Variants in MYO5B observed in about 807,000 individuals in gnomAD.
MYO5B encodes the protein myosin VB.
In MYO5B, 143 loss-of-function variants were observed where a neutral mutation model predicts 229.3. The ratio of observed to expected loss-of-function variants is 0.62; its 90% CI spans 0.54 to 0.72. MYO5B has a LOEUF of 0.72. MYO5B is among the 30% of genes least tolerant of loss of function. The probability of loss-of-function intolerance (pLI) is 0.00; values close to 1 mark genes in which losing one functional copy is unlikely to be tolerated. For synonymous variants in MYO5B, 918 were observed against 885.2 expected, an observed-to-expected ratio of 1.04 and a Z score of -0.66; for missense variants, 2,321 against 2,331.0, an observed-to-expected ratio of 1.00 and a Z score of 0.09.
At chr18:49,878,068 G>A (rs189850265) in intron 24 of MYO5B, among the ~76,000 whole-genome samples, 186 bp from the exon 25 acceptor site, 77 of 152,238 alleles carry the variant, frequency 5.1e-4, no homozygotes, top group Admixed American at 1.6e-3. Context: ...AGTTCTTACT[G>A]TAGTCATCCA....
chr18:50,054,760 GC>G (rs2030499232), intron 2 of MYO5B, among the ~76,000 whole-genome samples: 1 of 152,156 alleles, frequency 6.6e-6, no homozygotes, highest in Admixed American at 6.5e-5. Context: ...TTAAGTACTT[GC>G]CACATATTAA....
Position 49,926,226 on chromosome 18 carries a change from A to G in MYO5B, c.2090+3286T>C, listed in dbSNP as rs183024415. 2.5e-3 allele frequency among the ~76,000 whole-genome samples: 385 copies of G among 152,338 alleles called. 4 individuals carry two copies. The highest frequency in any genetic ancestry group is 7.7e-3 in the African/African-American group (322 of 41,576). ...ATTACTGACAGCTCTTGTACTTTCC[A>G]GGTCAAATGTAAATTCCTAATTCCA... On this transcript the variant is annotated intron_variant, in intron 17 of 39. Coordinates refer to ENST00000285039, the MANE Select transcript of MYO5B (RefSeq NM_001080467.3).
At chr18:49,988,731 T>C (rs1408703475) in intron 7 of MYO5B, among the ~76,000 whole-genome samples, 1 of 152,146 alleles carries the variant, frequency 6.6e-6, no homozygotes, top group African/African-American at 2.4e-5. Flanking sequence ...AAGAGGAGGA[T>C]GGCAGTGGCC....
Position 49,841,443 on chromosome 18 carries a change from A to G in MYO5B, c.4623T>C (p.Asp1541=). 1.9e-6 allele frequency: 3 copies of G among 1,614,134 alleles called. No individual in the cohort carries two copies. The highest frequency in any genetic ancestry group is 2.5e-6 in the Non-Finnish European group (3 of 1,179,986). ...ACCAGAATGACGTCATCTCAAAGTC[A>G]TCATTGTGCTTCTGTGAAAAGAAAA... ...GIKKVLKKHN[D]DFEMTSFWLS... The change falls in exon 35 of 40, where the codon GAT becomes GAC. Residue 1541 remains aspartate (D), a synonymous_variant. Coordinates refer to ENST00000285039, the MANE Select transcript of MYO5B (RefSeq NM_001080467.3).
intron 1 of MYO5B, among the ~76,000 whole-genome samples, chr18:50,144,176 C>T (rs75511525): frequency 6.6e-6 from 1 of 152,102 alleles, no homozygotes; most frequent in Non-Finnish European, 1.5e-5. Flanking sequence ...CCCAAACAAT[C>T]CCTTTAAGTA....
chr18:49,933,927 GT>G (rs2025221654), intron 16 of MYO5B, among the ~76,000 whole-genome samples: 2 of 152,158 alleles, frequency 1.3e-5, no homozygotes, highest in Non-Finnish European at 2.9e-5. Context: ...CCAGGCTGGA[GT>G]GCAGTGACAC....
At chr18:49,916,686 C>T (rs139352006) in intron 17 of MYO5B, among the ~76,000 whole-genome samples, 6 of 152,200 alleles carry the variant, frequency 3.9e-5, no homozygotes, top group South Asian at 2.1e-4. Flanking sequence ...ACCATCGCTT[C>T]GTGGCCGTGA....
At chr18:49,913,616 C>T (rs2024981557) in intron 17 of MYO5B, among the ~76,000 whole-genome samples, 1 of 152,098 alleles carries the variant, frequency 6.6e-6, no homozygotes, top group South Asian at 2.1e-4. Context: ...CTGATATGGA[C>T]AGGAGACAGG....
At chr18:50,136,646 T>G (rs1214857875) in intron 1 of MYO5B, among the ~76,000 whole-genome samples, 1 of 152,214 alleles carries the variant, frequency 6.6e-6, no homozygotes, top group Non-Finnish European at 1.5e-5. Context: ...AGTTGGTAAC[T>G]GCATGGAAGG....
intron 1 of MYO5B, among the ~76,000 whole-genome samples, chr18:50,115,121 C>G (rs887426231): frequency 2.0e-5 from 3 of 152,206 alleles, no homozygotes; most frequent in Admixed American, 2.0e-4. Flanking sequence ...CTGTGCCTTC[C>G]TCCTCTCTGC....
At position 49,954,504 on chromosome 18, in the gene MYO5B, GGGATGGGACCAGTA is replaced by G; in HGVS notation, c.1546-83_1546-70del. Reference sequence around the variant, plus strand: ...GAAGGAAGCCCTGGGTTGCAGCAGAGGGATGGGACCAGTAGGCTGGCTCTGTGAAGGTTGATTCA... The same window carrying G: ...GAAGGAAGCCCTGGGTTGCAGCAGAGGGCTGGCTCTGTGAAGGTTGATTCA... On this transcript the variant is annotated intron_variant, in intron 12 of 39. Coordinates refer to ENST00000285039, the MANE Select transcript of MYO5B (RefSeq NM_001080467.3). The G allele has an allele frequency of 4.4e-6, 7 of 1,600,046 alleles. No individual in the cohort carries two copies. In the South Asian group the frequency reaches 7.7e-5, roughly 18 times the overall value.
chr18:49,954,363 T>A lies in MYO5B; in HGVS notation c.1618A>T (p.Lys540Ter). The change falls in exon 13 of 40, where the codon AAG becomes TAG. Residue 540 changes from lysine (K) to a stop codon, truncating the protein, a stop_gained. Coordinates refer to ENST00000285039, the MANE Select transcript of MYO5B (RefSeq NM_001080467.3). LOFTEE classifies it high-confidence loss of function. ...AAGGCCGTGTTGGACATGCGGGGCT[T>A]CTGGAAGTGCTGGCTGCTGGAGTGC... ...DRHSSSQHFQKPRMSNTAFII... is the reference protein window; with the variant it reads ...DRHSSSQHFQ 6.2e-7 allele frequency: 1 copy of A among 1,613,980 alleles called. No individual in the cohort carries two copies. Among genetic ancestry groups the A allele is most frequent in the Non-Finnish European group, 8.5e-7 (1 of 1,179,962 alleles).
At position 50,113,184 on chromosome 18, in the gene MYO5B, TA is replaced by T. The variant is rs1213108403; in HGVS notation, c.28-57807del. 5.4e-3 allele frequency among the ~76,000 whole-genome samples: 827 copies of T among 152,312 alleles called. 7 individuals carry two copies. The highest frequency in any genetic ancestry group is 0.018 in the African/African-American group (751 of 41,552). On this transcript the variant is annotated intron_variant, in intron 1 of 39. Transcript: ENST00000285039. ...CCATTCTCAAAAAATATTTGCTCAG[TA>T]CCTGTAGTCAGCATTGTTCTAAGTA...
intron 2 of MYO5B, among the ~76,000 whole-genome samples, chr18:50,048,048 C>A (rs1448071529): frequency 6.6e-6 from 1 of 150,736 alleles, no homozygotes; most frequent in Non-Finnish European, 1.5e-5. Flanking sequence ...TGTAACAAAC[C>A]TGCACGTTGT....
At chr18:50,109,816 T>C (rs966142025) in intron 1 of MYO5B, among the ~76,000 whole-genome samples, 1 of 152,104 alleles carries the variant, frequency 6.6e-6, no homozygotes, top group African/African-American at 2.4e-5. Flanking sequence ...CATACAATGC[T>C]CAGTATCCAC....
chr18:50,043,518 A>AGTATATAAATATATTTT (rs2030121479), intron 2 of MYO5B, among the ~76,000 whole-genome samples: 2 of 96,254 alleles, frequency 2.1e-5, no homozygotes, highest in Non-Finnish European at 4.1e-5. Flanking sequence ...TATATTTATA[A>AGTATATAAATATATTTT]GTATATAAAT....
At chr18:50,119,750 A>G (rs1363029112) in intron 1 of MYO5B, among the ~76,000 whole-genome samples, 1 of 152,236 alleles carries the variant, frequency 6.6e-6, no homozygotes, top group African/African-American at 2.4e-5. Flanking sequence ...TCACTGAACT[A>G]CACTCCAGCT....
intron 31 of MYO5B, among the ~76,000 whole-genome samples, chr18:49,851,222 A>G (rs535487504): frequency 6.6e-6 from 1 of 152,274 alleles, no homozygotes; most frequent in Admixed American, 6.5e-5. Flanking sequence ...TCATCTTCTC[A>G]GGAAAGCCCA....
chr18:49,890,845 T>C (rs1355542920), intron 22 of MYO5B, among the ~76,000 whole-genome samples: 2 of 152,206 alleles, frequency 1.3e-5, no homozygotes, highest in Non-Finnish European at 2.9e-5. Flanking sequence ...TAAGTAAGCA[T>C]AGTATAAATT....
Sources: gnomAD v4.1 joint callset for allele counts (sites outside exome capture counted in the v4.1 genomes callset) on GRCh38, gnomAD v4.1.1 for gene constraint, MANE v1.5 for transcripts, NCBI Gene and HGNC (gene_info 2026-07-23, HGNC 2026-07-21) for gene names.